SH3GL2: variants seen among roughly 807,000 people sequenced by gnomAD.
SH3GL2 encodes the protein SH3 domain containing GRB2 like 2, endophilin A1.
SH3GL2 carries 24 observed loss-of-function variants against 46.0 expected under a neutral mutation model. The observed-to-expected ratio is 0.52, with a 90% CI of 0.38 to 0.73. The LOEUF is 0.73. Among genes scored for constraint, SH3GL2 ranks in the 30% least tolerant of loss-of-function variants. The probability of loss-of-function intolerance (pLI) is 0.00; values close to 1 mark genes in which losing one functional copy is unlikely to be tolerated. For synonymous variants in SH3GL2, 196 were observed against 147.1 expected (o/e 1.33, Z -2.40); for missense variants, 413 against 424.2 (o/e 0.97, Z 0.23).
chr9:17,725,646 C>G (rs1040608776), intron 1 of SH3GL2, among the ~76,000 whole-genome samples: 1 of 152,096 alleles, frequency 6.6e-6, no homozygotes, highest in African/African-American at 2.4e-5. Flanking sequence ...TGCCTCTCTT[C>G]GTGTGGAATG....
chr9:17,682,769 C>G (rs1323646662), intron 1 of SH3GL2, among the ~76,000 whole-genome samples: 1 of 151,684 alleles, frequency 6.6e-6, no homozygotes, highest in Non-Finnish European at 1.5e-5. Context: ...TGGATAAATT[C>G]TAAGAGGTAG....
At position 17,789,350 on chromosome 9, in the gene SH3GL2, A is replaced by G. The variant is rs752804964; in HGVS notation, c.466-42A>G. ...AAGTGAGCTCAAATAAGCCTTTTCC[A>G]TAAGCCCTTTCAAAGCCTATTCCTG... On this transcript the variant is annotated intron_variant, in intron 5 of 8. Transcript: ENST00000380607. 4.4e-6 allele frequency: 7 copies of G among 1,579,406 alleles called. No individual in the cohort carries two copies. The South Asian group carries it at 4.5e-5, about 10-fold the overall frequency.
At chr9:17,642,350 G>GCTCTT (rs1472337777) in intron 1 of SH3GL2, among the ~76,000 whole-genome samples, 1 of 151,988 alleles carries the variant, frequency 6.6e-6, no homozygotes, top group East Asian at 1.9e-4. Flanking sequence ...CTGTGCAGAA[G>GCTCTT]CTCTTTAATT....
At chr9:17,679,171 A>ATTGATGGGGAT (rs1271621882) in intron 1 of SH3GL2, among the ~76,000 whole-genome samples, 16 of 152,298 alleles carry the variant, frequency 1.1e-4, no homozygotes, top group African/African-American at 3.4e-4. Context: ...CTGTGAAGAA[A>ATTGATGGGGAT]GTCATTGGTA....
At chr9:17,665,103 C>T (rs565913556) in intron 1 of SH3GL2, among the ~76,000 whole-genome samples, 19 of 152,240 alleles carry the variant, frequency 1.2e-4, no homozygotes, top group East Asian at 3.9e-4. Context: ...CTGTCTCCCT[C>T]GTACACAAAC....
chr9:17,613,943 C>A (rs534852633), intron 1 of SH3GL2, among the ~76,000 whole-genome samples: 1 of 152,076 alleles, frequency 6.6e-6, no homozygotes, highest in Non-Finnish European at 1.5e-5. Flanking sequence ...AAATGAATGA[C>A]GACAATACTG....
At chr9:17,665,483 TC>T (rs1820320707) in intron 1 of SH3GL2, among the ~76,000 whole-genome samples, 1 of 152,208 alleles carries the variant, frequency 6.6e-6, no homozygotes, top group Admixed American at 6.5e-5. Context: ...TGCTGTTTCT[TC>T]ATAATAGTAT....
intron 1 of SH3GL2, among the ~76,000 whole-genome samples, chr9:17,685,103 A>G (rs1398569280): frequency 2.0e-5 from 3 of 152,086 alleles, no homozygotes; most frequent in African/African-American, 4.8e-5. Flanking sequence ...TTCTAGAGAA[A>G]CAGAACCAGT....
intron 3 of SH3GL2, among the ~76,000 whole-genome samples, chr9:17,765,948 C>T (rs953362437): frequency 6.6e-6 from 1 of 152,188 alleles, no homozygotes; most frequent in African/African-American, 2.4e-5. Context: ...TAAAACTTCT[C>T]TAATACAAAA....
chr9:17,676,158 T>G (rs1563807511), intron 1 of SH3GL2, among the ~76,000 whole-genome samples: 1 of 152,188 alleles, frequency 6.6e-6, no homozygotes, highest in Non-Finnish European at 1.5e-5. Context: ...CTGCATTGTA[T>G]CTGAAAAACA....
chr9:17,645,589 T>G (rs1355116355), intron 1 of SH3GL2, among the ~76,000 whole-genome samples: 1 of 152,274 alleles, frequency 6.6e-6, no homozygotes, highest in South Asian at 2.1e-4. Context: ...CCTCTCAGCA[T>G]TTGCTTGTCT....
chr9:17,739,339 G>C (rs576639111), intron 1 of SH3GL2, among the ~76,000 whole-genome samples: 1 of 151,526 alleles, frequency 6.6e-6, no homozygotes, highest in Admixed American at 6.6e-5. Context: ...TTCTCAAGGG[G>C]ATTTATGACT....
chr9:17,767,666 C>G (rs567896969), intron 3 of SH3GL2, among the ~76,000 whole-genome samples: 1 of 152,240 alleles, frequency 6.6e-6, no homozygotes, highest in East Asian at 1.9e-4. Context: ...ATGAATATAT[C>G]CATCCTTCAC....
chr9:17,774,532 T>G (rs1823584824), intron 3 of SH3GL2, among the ~76,000 whole-genome samples: 1 of 150,692 alleles, frequency 6.6e-6, no homozygotes, highest in Non-Finnish European at 1.5e-5. Context: ...CTGCATCAAT[T>G]GAGATGATCG....
intron 1 of SH3GL2, chr9:17,590,065 A>G (rs1393144784): frequency 2.0e-5 from 3 of 152,164 alleles, no homozygotes; most frequent in Non-Finnish European, 2.9e-5. Flanking sequence ...GTGGTAAGTA[A>G]CCTGAAGGAG....
At chr9:17,650,677 C>A (rs770955173) in intron 1 of SH3GL2, among the ~76,000 whole-genome samples, 1 of 152,144 alleles carries the variant, frequency 6.6e-6, no homozygotes, top group Non-Finnish European at 1.5e-5. Flanking sequence ...GTTTTTATGG[C>A]TGAAGCATAT....
chr9:17,728,700 C>T (rs1270680545), intron 1 of SH3GL2, among the ~76,000 whole-genome samples: 1 of 152,076 alleles, frequency 6.6e-6, no homozygotes, highest in Non-Finnish European at 1.5e-5. Context: ...TGTTCAGCTC[C>T]CACTTATTAG....
intron 2 of SH3GL2, among the ~76,000 whole-genome samples, chr9:17,749,607 A>T (rs373913046): frequency 4.6e-5 from 7 of 152,342 alleles, no homozygotes; most frequent in African/African-American, 1.7e-4. Context: ...GGAATAAGCT[A>T]GGCAGCTCAC....
chr9:17,579,175 C>T lies in SH3GL2; in HGVS notation c.-68C>T, dbSNP rs1201014873. ...GCGGCCAGGGGAGCGCGCCGCCCCGCTCGGCCCTCCAGTCCCCCTCCGCCT... is the reference window on the plus strand; with the variant it reads ...GCGGCCAGGGGAGCGCGCCGCCCCGTTCGGCCCTCCAGTCCCCCTCCGCCT... On this transcript the variant is annotated 5_prime_UTR_variant, in exon 1 of 9. Transcript: ENST00000380607. The T allele has an allele frequency of 5.7e-6, 7 of 1,220,242 alleles. No individual in the cohort carries two copies. Among genetic ancestry groups the T allele is most frequent in the Middle Eastern group, 4.0e-4 (2 of 4,968 alleles). The allele number at this position is 1,220,242 out of a possible 1,614,324, so 75.6% of individuals were successfully genotyped here. A position where few individuals can be genotyped will look rare whatever the true frequency, so the allele number is the denominator to read the frequency against.
Sources: allele counts gnomAD v4.1 joint callset (sites outside exome capture counted in the v4.1 genomes callset), GRCh38; gene constraint gnomAD v4.1.1; transcripts MANE v1.5; gene names NCBI Gene and HGNC (gene_info 2026-07-23, HGNC 2026-07-21).